CACHD1: variants seen among roughly 807,000 people sequenced by gnomAD.
CACHD1 encodes the protein cache domain containing 1.
Under a neutral mutation model 138.7 loss-of-function variants are expected in CACHD1, and 71 were observed. The observed-to-expected ratio is 0.51, with a 90% confidence interval of 0.42 to 0.62. The LOEUF is 0.62. CACHD1 is among the 20% of genes least tolerant of loss of function. The pLI, the probability that CACHD1 is intolerant of heterozygous loss-of-function variation, is 0.00. For synonymous variants in CACHD1, 578 were observed against 591.5 expected, an observed-to-expected ratio of 0.98 and a Z score of 0.33; for missense variants, 1,389 against 1,625.3, an observed-to-expected ratio of 0.85 and a Z score of 2.50.
intron 1 of CACHD1, among the ~76,000 whole-genome samples, chr1:64,544,043 T>C (rs1033940544): frequency 6.6e-6 from 1 of 152,070 alleles, no homozygotes. Flanking sequence ...GGGGTTAGTG[T>C]TGGTCAGCCT....
At chr1:64,479,594 G>T (rs1646197360) in intron 1 of CACHD1, among the ~76,000 whole-genome samples, 1 of 152,252 alleles carries the variant, frequency 6.6e-6, no homozygotes, top group Admixed American at 6.5e-5. Context: ...CTGTTTCTTG[G>T]ATCCTTCATG....
chr1:64,537,432 T>G (rs963994746), intron 1 of CACHD1, among the ~76,000 whole-genome samples: 10 of 152,150 alleles, frequency 6.6e-5, no homozygotes, highest in African/African-American at 2.4e-4. Flanking sequence ...GGTGTTCCCA[T>G]CAGGTCTTAT....
chr1:64,655,413 T>A (rs1369795945), intron 12 of CACHD1, among the ~76,000 whole-genome samples: 2 of 151,954 alleles, frequency 1.3e-5, no homozygotes, highest in African/African-American at 4.8e-5. Context: ...CTTTAAACAG[T>A]CCCCTATTAA....
intron 13 of CACHD1, among the ~76,000 whole-genome samples, chr1:64,659,648 T>TGC (rs1649380252): frequency 6.6e-6 from 1 of 152,244 alleles, no homozygotes; most frequent in South Asian, 2.1e-4. Flanking sequence ...ATTTGACCCA[T>TGC]GCACCTCTGC....
chr1:64,606,106 A>AACACACACACACACAC (rs112089755), intron 4 of CACHD1, among the ~76,000 whole-genome samples: 2,152 of 148,892 alleles, frequency 0.014, 32 homozygotes, highest in East Asian at 0.058. Context: ...AGGAGCTGTA[A>AACACACACACACACAC]ACACACACAC....
intron 1 of CACHD1, among the ~76,000 whole-genome samples, chr1:64,497,504 C>A (rs74080201): frequency 0.028 from 4,302 of 151,976 alleles, 223 homozygotes; most frequent in African/African-American, 0.098. Flanking sequence ...GATTTCAAGG[C>A]CTGTTGAAAT....
chr1:64,691,809 A>T lies in CACHD1; in HGVS notation c.*248A>T. On this transcript the variant is annotated 3_prime_UTR_variant, in exon 27 of 27. Transcript: ENST00000651257. Reference sequence around the variant, plus strand: ...AATAAGCCTGATGAACAGACCTGCCATAACACTAATGGAAGGTAACAGAAG... The same window carrying T: ...AATAAGCCTGATGAACAGACCTGCCTTAACACTAATGGAAGGTAACAGAAG... 2.0e-6 allele frequency: 1 copy of T among 506,044 alleles called. No individual in the cohort carries two copies. Among genetic ancestry groups the T allele is most frequent in the South Asian group, 2.5e-5 (1 of 40,420 alleles). The allele number at this position is 506,044 out of a possible 1,614,324, so 31.3% of individuals were successfully genotyped here.
chr1:64,597,768 G>C (rs1484227218), intron 3 of CACHD1, among the ~76,000 whole-genome samples: 2 of 151,894 alleles, frequency 1.3e-5, no homozygotes, highest in Admixed American at 1.3e-4. Context: ...CATTCATTTT[G>C]TATGAAAATC....
At chr1:64,606,355 G>C (rs1177369673) in intron 4 of CACHD1, among the ~76,000 whole-genome samples, 2 of 152,144 alleles carry the variant, frequency 1.3e-5, no homozygotes, top group African/African-American at 2.4e-5. Context: ...GGGTTTATCT[G>C]GGGGCAGCAT....
intron 3 of CACHD1, among the ~76,000 whole-genome samples, chr1:64,593,826 C>T (rs1480654658): frequency 6.6e-6 from 1 of 152,152 alleles, no homozygotes; most frequent in East Asian, 1.9e-4. Context: ...TATGTTTATA[C>T]TTCAGTGAAA....
At chr1:64,483,818 G>A (rs938198050) in intron 1 of CACHD1, among the ~76,000 whole-genome samples, 17 of 151,480 alleles carry the variant, frequency 1.1e-4, no homozygotes, top group African/African-American at 3.2e-4. Context: ...CTTCACAGCT[G>A]TATGTGATCT....
chr1:64,651,640 G>A (rs1284545992), intron 9 of CACHD1, among the ~76,000 whole-genome samples: 1 of 152,120 alleles, frequency 6.6e-6, no homozygotes, highest in Non-Finnish European at 1.5e-5. Flanking sequence ...GGGTGACAGA[G>A]TGAGACCTCA....
At chr1:64,685,088 C>T (rs186149415) in intron 26 of CACHD1, among the ~76,000 whole-genome samples, 22 of 152,242 alleles carry the variant, frequency 1.4e-4, no homozygotes, top group East Asian at 1.2e-3. Context: ...AGATTACAGG[C>T]GTGAGCCACT....
intron 17 of CACHD1, 47 bp downstream of exon 17, chr1:64,671,733 A>T: frequency 6.2e-7 from 1 of 1,611,930 alleles, no homozygotes; most frequent in South Asian, 1.1e-5. Flanking sequence ...CAGTTTAAAA[A>T]TAGATGTCAG....
chr1:64,661,083 G>A (rs1178985414), intron 13 of CACHD1, among the ~76,000 whole-genome samples: 2 of 152,060 alleles, frequency 1.3e-5, no homozygotes, highest in Non-Finnish European at 2.9e-5. Context: ...TCTTAGTTAG[G>A]ATCAGTTGGC....
Position 64,629,361 on chromosome 1 carries a change from C to G in CACHD1, c.524C>G (p.Ala175Gly). The change falls in exon 5 of 27, where the codon GCA becomes GGA. Residue 175 changes from alanine to glycine, a missense_variant. Transcript: ENST00000651257. ...NPGRDLNSVL[A>G]DNLKSNPGIK... ...ATTTTCCTTACACCTCTAGTTCTTG[C>G]AGACAACCTGAAATCCAACCCTGGA... is the stretch of plus-strand genomic sequence containing the variant. 1 of 1,613,850 alleles carries G rather than the reference C, an allele frequency of 6.2e-7. No homozygotes were observed. Among genetic ancestry groups the G allele is most frequent in the South Asian group, 1.1e-5 (1 of 91,024 alleles).
chr1:64,672,335 G>A (rs1363104089), intron 17 of CACHD1, among the ~76,000 whole-genome samples: 2 of 152,172 alleles, frequency 1.3e-5, no homozygotes, highest in African/African-American at 4.8e-5. Context: ...GATTAAAGCA[G>A]TTCTAGCTTC....
At chr1:64,684,181 C>T (rs776865648) in intron 26 of CACHD1, among the ~76,000 whole-genome samples, 7 of 152,062 alleles carry the variant, frequency 4.6e-5, no homozygotes, top group Non-Finnish European at 8.8e-5. Flanking sequence ...TTTTTTGAGA[C>T]GGAGTCTCGC....
At chr1:64,676,363 G>A (rs1447784089) in intron 21 of CACHD1, among the ~76,000 whole-genome samples, 2 of 152,122 alleles carry the variant, frequency 1.3e-5, no homozygotes, top group African/African-American at 4.8e-5. Context: ...CGTATGATGT[G>A]TTCTACAGCA....
Sources: allele counts gnomAD v4.1 joint callset (sites outside exome capture counted in the v4.1 genomes callset), GRCh38; gene constraint gnomAD v4.1.1; transcripts MANE v1.5; gene names NCBI Gene and HGNC (gene_info 2026-07-23, HGNC 2026-07-21).